The following NELL1 variants were observed in gnomAD, a reference collection of about 807,000 sequenced individuals.
NELL1 encodes the protein neural EGFL like 1.
In NELL1, 76 loss-of-function variants were observed where a neutral mutation model predicts 107.4. The ratio of observed to expected loss-of-function variants is 0.71; its 90% CI spans 0.59 to 0.86. The LOEUF is 0.86. Among genes scored for constraint, NELL1 ranks in the 40% least tolerant of loss-of-function variants. The pLI, the probability that NELL1 is intolerant of heterozygous loss-of-function variation, is 0.00. For synonymous variants in NELL1, 353 were observed against 341.2 expected, an observed-to-expected ratio of 1.03 and a Z score of -0.38; for missense variants, 1,024 against 1,005.5, an observed-to-expected ratio of 1.02 and a Z score of -0.25.
chr11:21,349,345 A>G (rs187130594), intron 14 of NELL1, among the ~76,000 whole-genome samples: 38 of 152,274 alleles, frequency 2.5e-4, no homozygotes, highest in Admixed American at 9.2e-4. Flanking sequence ...AATGTAATTC[A>G]CAAACACCTG....
intron 11 of NELL1, among the ~76,000 whole-genome samples, chr11:20,951,119 A>G (rs1479344084): frequency 6.6e-6 from 1 of 152,220 alleles, no homozygotes; most frequent in African/African-American, 2.4e-5. Context: ...TGGGAATTTG[A>G]GAAAACTTCC....
intron 14 of NELL1, among the ~76,000 whole-genome samples, chr11:21,338,879 G>A (rs1220821653): frequency 1.3e-5 from 2 of 152,118 alleles, no homozygotes; most frequent in African/African-American, 2.4e-5. Flanking sequence ...GGAAGCCTGT[G>A]AATCCCCAGA....
intron 13 of NELL1, among the ~76,000 whole-genome samples, chr11:21,204,257 A>G (rs1254374209): frequency 6.6e-6 from 1 of 152,088 alleles, no homozygotes; most frequent in Non-Finnish European, 1.5e-5. Context: ...AATCAAATGT[A>G]GATTTAGTTT....
chr11:21,567,454 ATG>A (rs1591042804), intron 17 of NELL1, among the ~76,000 whole-genome samples: 3 of 52,940 alleles, frequency 5.7e-5, no homozygotes, highest in Non-Finnish European at 1.2e-4. Context: ...CTATATACAC[ATG>A]TTTGCATACA....
rs1215083670 is a variant in NELL1 at position 20,938,948 on chromosome 11, G to A, written c.1071+1089G>A. Reference sequence around the variant, plus strand: ...TCTCTCTCTCTCTCTCTCTGTGTGTGTGTGTGTGTGTGTGTGCATGCACGT... The same window carrying A: ...TCTCTCTCTCTCTCTCTCTGTGTGTATGTGTGTGTGTGTGTGCATGCACGT... On this transcript the variant is annotated intron_variant, in intron 10 of 19. Coordinates refer to ENST00000357134, the MANE Select transcript of NELL1 (RefSeq NM_006157.5). Among the ~76,000 whole-genome samples the A allele has an allele frequency of 1.4e-5, 2 of 144,478 alleles. 1 individual carries two copies. The highest frequency in any genetic ancestry group is 4.2e-4 in the South Asian group (2 of 4,726). The allele number at this position is 144,478 out of a possible 152,430, so 94.8% of individuals were successfully genotyped here. A position where few individuals can be genotyped will look rare whatever the true frequency, so the allele number is the denominator to read the frequency against.
chr11:20,854,194 A>G (rs1848839330), intron 4 of NELL1, among the ~76,000 whole-genome samples: 1 of 152,174 alleles, frequency 6.6e-6, no homozygotes, highest in Non-Finnish European at 1.5e-5. Flanking sequence ...TTTTAGCTCA[A>G]AAATTCTCTT....
At chr11:21,161,220 G>T (rs2133800078) in intron 13 of NELL1, among the ~76,000 whole-genome samples, 1 of 152,018 alleles carries the variant, frequency 6.6e-6, no homozygotes, top group African/African-American at 2.4e-5. Context: ...ATTTCTTTTG[G>T]TCATCATTTC....
chr11:21,172,755 C>T (rs1856633320), intron 13 of NELL1, among the ~76,000 whole-genome samples: 1 of 151,686 alleles, frequency 6.6e-6, no homozygotes, highest in African/African-American at 2.4e-5. Flanking sequence ...AGGAATGAGA[C>T]ATTTTGCACA....
intron 13 of NELL1, among the ~76,000 whole-genome samples, chr11:21,173,991 A>T (rs75422378): frequency 0.041 from 6,278 of 151,894 alleles, 199 homozygotes; most frequent in Non-Finnish European, 0.064. Flanking sequence ...TTTAATCCTT[A>T]CAAACAATTC....
chr11:21,410,730 TG>T (rs1852354608), intron 15 of NELL1, among the ~76,000 whole-genome samples: 1 of 152,022 alleles, frequency 6.6e-6, no homozygotes, highest in Non-Finnish European at 1.5e-5. Flanking sequence ...CTTATCTCAG[TG>T]GAGAGAATAT....
intron 3 of NELL1, among the ~76,000 whole-genome samples, chr11:20,788,771 A>G (rs1857018125): frequency 6.6e-6 from 1 of 150,568 alleles, no homozygotes; most frequent in South Asian, 2.1e-4. Context: ...ATGAAGAGTT[A>G]CTCCTATGTT....
At chr11:21,546,235 A>G (rs1856438044) in intron 16 of NELL1, among the ~76,000 whole-genome samples, 1 of 151,930 alleles carries the variant, frequency 6.6e-6, no homozygotes, top group Non-Finnish European at 1.5e-5. Flanking sequence ...GTCTCAGGGG[A>G]GATTCACTGC....
chr11:20,834,585 C>A (rs1458288966), intron 3 of NELL1, among the ~76,000 whole-genome samples: 3 of 151,952 alleles, frequency 2.0e-5, no homozygotes, highest in Non-Finnish European at 4.4e-5. Flanking sequence ...CACCTGTAGT[C>A]CCAGCTACTA....
At chr11:20,986,715 C>A (rs576521919) in intron 12 of NELL1, among the ~76,000 whole-genome samples, 1 of 151,826 alleles carries the variant, frequency 6.6e-6, no homozygotes, top group African/African-American at 2.4e-5. Context: ...GACATTTGGG[C>A]ACCTTTTTTT....
At chr11:21,539,364 C>T (rs541937424) in intron 16 of NELL1, among the ~76,000 whole-genome samples, 36 of 152,120 alleles carry the variant, frequency 2.4e-4, no homozygotes, top group African/African-American at 8.4e-4. Flanking sequence ...CTCATTGTAC[C>T]CTCTGCCTTT....
In NELL1 at chr11:20,895,271, CAAAAAAAAAAAAAAAAAAAAAAAAA is replaced by C. The variant is rs1156409312; in HGVS notation, c.603+9750_603+9774del. ...TGGGCGACAGAGCGAGACTCCGTCT[CAAAAAAAAAAAAAAAAAAAAAAAAA>C]AAAAAAAAAAAAAAAAAAGAAATTA... On this transcript the variant is annotated intron_variant, in intron 5 of 19. Coordinates refer to ENST00000357134, the MANE Select transcript of NELL1 (RefSeq NM_006157.5). Among the ~76,000 whole-genome samples the C allele has an allele frequency of 4.6e-3, 48 of 10,486 alleles. No individual in the cohort carries two copies. The South Asian group carries it at 0.12, about 26-fold the overall frequency. The allele number at this position is 10,486 out of a possible 152,430, so 6.9% of individuals were successfully genotyped here.
At chr11:21,258,688 A>G (rs112573462) in intron 14 of NELL1, among the ~76,000 whole-genome samples, 1 of 151,984 alleles carries the variant, frequency 6.6e-6, no homozygotes, top group African/African-American at 2.4e-5. Flanking sequence ...CTCATCAAAA[A>G]AACACGCTCA....
chr11:20,817,458 G>C (rs1299660632), intron 3 of NELL1, among the ~76,000 whole-genome samples: 1 of 152,026 alleles, frequency 6.6e-6, no homozygotes, highest in Non-Finnish European at 1.5e-5. Flanking sequence ...AGGATCTTTT[G>C]TATTTCTTTG....
intron 12 of NELL1, among the ~76,000 whole-genome samples, chr11:21,072,911 C>G (rs1854049442): frequency 6.6e-6 from 1 of 152,190 alleles, no homozygotes; most frequent in Non-Finnish European, 1.5e-5. Context: ...ATTTCATTAA[C>G]ATGTGTTCTG....
Sources: gnomAD v4.1 joint callset for allele counts (sites outside exome capture counted in the v4.1 genomes callset) on GRCh38, gnomAD v4.1.1 for gene constraint, MANE v1.5 for transcripts, NCBI Gene and HGNC (gene_info 2026-07-23, HGNC 2026-07-21) for gene names.